The following MAEL variants were observed in gnomAD, a reference collection of about 807,000 sequenced individuals.
The protein encoded by MAEL is protein maelstrom homolog.
MAEL carries 46 observed loss-of-function variants against 62.0 expected under a neutral mutation model. The ratio of observed to expected loss-of-function variants is 0.74; its 90% CI spans 0.59 to 0.95. The LOEUF is 0.95. MAEL is among the 40% of genes least tolerant of loss of function. The pLI is 0.00. For synonymous variants in MAEL, 172 were observed against 175.5 expected (o/e 0.98, Z 0.16); for missense variants, 497 against 526.8 (o/e 0.94, Z 0.55).
chr1:166,991,326 C>A, intron 2 of MAEL, 52 bp from the exon 3 acceptor site: 2 of 1,182,672 alleles, frequency 1.7e-6, no homozygotes, highest in South Asian at 1.2e-5. Context: ...AATGTATGGT[C>A]TAAAAGTGCC....
chr1:167,017,313 T>C (rs1180830280), intron 9 of MAEL, among the ~76,000 whole-genome samples: 2 of 152,150 alleles, frequency 1.3e-5, no homozygotes, highest in Non-Finnish European at 2.9e-5. Context: ...GTACATCATA[T>C]TACTTTTATT....
intron 1 of MAEL, among the ~76,000 whole-genome samples, chr1:166,983,864 T>C (rs1663834881): frequency 6.6e-6 from 1 of 151,830 alleles, no homozygotes; most frequent in South Asian, 2.1e-4. Flanking sequence ...TAGCTGGGCA[T>C]GGTGGCGCAC....
At chr1:167,009,326 C>T (rs1665065392) in intron 8 of MAEL, among the ~76,000 whole-genome samples, 1 of 152,118 alleles carries the variant, frequency 6.6e-6, no homozygotes, top group African/African-American at 2.4e-5. Context: ...CACCATATTT[C>T]CTTGAGTTTC....
intron 8 of MAEL, among the ~76,000 whole-genome samples, chr1:167,012,168 C>T (rs1476582049): frequency 6.6e-6 from 1 of 152,056 alleles, no homozygotes; most frequent in Non-Finnish European, 1.5e-5. Flanking sequence ...TTATTCCAAC[C>T]ACTGCTCTTA....
rs185652012 is a variant in MAEL, at chr1:166,991,567, T to C, written c.325+90T>C. The C allele has an allele frequency of 3.1e-4, 242 of 771,762 alleles. 2 individuals carry two copies. The East Asian group carries it at 6.0e-3, about 19-fold the overall frequency. 47.8% of individuals were successfully genotyped at this position (771,762 alleles called of 1,614,324 possible). On this transcript the variant is annotated intron_variant, in intron 3 of 11. Coordinates refer to ENST00000367872, the MANE Select transcript of MAEL (RefSeq NM_032858.3). ...TAAAAATATTTTCTGTTCATTTTGA[T>C]CCTCCGTTTCAAAGTAAATAACTGC...
rs1420605441 is a variant in MAEL at position 167,021,153 on chromosome 1, A to C, written c.1110A>C (p.Thr370=). 3 of 1,610,600 alleles carry C rather than the reference A, an allele frequency of 1.9e-6. No individual in the cohort carries two copies. Among genetic ancestry groups the C allele is most frequent in the Non-Finnish European group, 2.5e-6 (3 of 1,177,342 alleles). The change falls in exon 11 of 12, where the codon ACA becomes ACC. Residue 370 remains threonine (T), a synonymous_variant. Transcript: ENST00000367872. ...CTAATGAGGAACAAAGATCAAACAC[A>C]CCCATTGGTAAGCAACTTATATTTT... ...NSSNEEQRSN[T]PIGDYPSRAK...
chr1:167,012,782 T>G (rs191746793), intron 8 of MAEL, among the ~76,000 whole-genome samples: 2 of 152,166 alleles, frequency 1.3e-5, no homozygotes, highest in Admixed American at 1.3e-4. Context: ...TGGACAGAGA[T>G]AGAAAAGCCT....
chr1:167,015,181 C>T (rs796851009), intron 8 of MAEL, among the ~76,000 whole-genome samples: 3 of 151,874 alleles, frequency 2.0e-5, no homozygotes, highest in African/African-American at 7.2e-5. Flanking sequence ...AGTACTATGC[C>T]CAGCCAGTTT....
At position 166,991,381 on chromosome 1, in the gene MAEL, C is replaced by A; in HGVS notation, c.229C>A (p.Pro77Thr). 6.2e-7 allele frequency: 1 copy of A among 1,605,970 alleles called. No homozygotes were observed. The highest frequency in any genetic ancestry group is 1.1e-5 in the South Asian group (1 of 90,850). Reference protein sequence around the residue: ...KDPGPSEKQKPVFTPLRRPGM... With the variant: ...KDPGPSEKQKTVFTPLRRPGM... ...CAATCATTCTCTTCCTCTTTAGAAA[C>A]CTGTTTTCACACCACTGAGGAGGCC... Residue 77 changes from proline to threonine, a missense_variant, in exon 3 of 12, where the codon CCT (proline) becomes ACT (threonine). Pro to Thr is a conservative substitution (Grantham distance 38). Coordinates refer to ENST00000367872, the MANE Select transcript of MAEL (RefSeq NM_032858.3).
rs188233013 is a variant in MAEL at position 167,016,290 on chromosome 1, T to G, written c.908+6T>G. On this transcript the variant is annotated splice_donor_region_variant and intron_variant, in intron 9 of 11. Coordinates refer to ENST00000367872, the MANE Select transcript of MAEL (RefSeq NM_032858.3). Reference sequence around the variant, plus strand: ...GCTGTTTGCAAGAAGATTGCGTAAGTTGGGGAAAGGAGTTTCTTCATAATA... The same window carrying G: ...GCTGTTTGCAAGAAGATTGCGTAAGGTGGGGAAAGGAGTTTCTTCATAATA... 4 of 1,613,080 alleles carry G rather than the reference T, an allele frequency of 2.5e-6. No individual in the cohort carries two copies. The African/African-American group carries it at 4.0e-5, about 16-fold the overall frequency.
At chr1:166,997,106 G>A (rs1028064384) in intron 5 of MAEL, among the ~76,000 whole-genome samples, 1 of 152,200 alleles carries the variant, frequency 6.6e-6, no homozygotes. Flanking sequence ...GCTTACAGGC[G>A]TGAGCCACCA....
intron 5 of MAEL, among the ~76,000 whole-genome samples, chr1:167,002,702 T>TA (rs1420824178): frequency 6.6e-6 from 1 of 152,196 alleles, no homozygotes; most frequent in African/African-American, 2.4e-5. Context: ...GATGGACAGG[T>TA]AATCACCAAA....
intron 8 of MAEL, among the ~76,000 whole-genome samples, chr1:167,012,721 C>T (rs1355080102): frequency 6.6e-6 from 1 of 152,076 alleles, no homozygotes; most frequent in Non-Finnish European, 1.5e-5. Flanking sequence ...GACATTAGAA[C>T]CGAAGTGGGA....
intron 5 of MAEL, among the ~76,000 whole-genome samples, chr1:166,995,454 G>T (rs920414703): frequency 1.3e-5 from 2 of 151,940 alleles, no homozygotes; most frequent in African/African-American, 4.8e-5. Context: ...GATCAGGCTG[G>T]TCTCAAAACT....
At position 167,021,936 on chromosome 1, in the gene MAEL, C is replaced by T; in HGVS notation, c.*81C>T. ...TACAGTCATATTAAACAGATCACAT[C>T]AATGACAAATGTCACTACTATAAAA... On this transcript the variant is annotated 3_prime_UTR_variant, in exon 12 of 12. Transcript: ENST00000367872. 1 of 843,824 alleles carries T rather than the reference C, an allele frequency of 1.2e-6. No homozygotes were observed. The highest frequency in any genetic ancestry group is 1.8e-6 in the Non-Finnish European group (1 of 554,782). The allele number at this position is 843,824 out of a possible 1,614,324, so 52.3% of individuals were successfully genotyped here. A position where few individuals can be genotyped will look rare whatever the true frequency, so the allele number is the denominator to read the frequency against.
At chr1:166,991,610 G>C in intron 3 of MAEL, 133 bp downstream of exon 3, 1 of 562,412 alleles carries the variant, frequency 1.8e-6, no homozygotes, top group Admixed American at 3.0e-5. Flanking sequence ...AAATATTGTG[G>C]TACTGACATT....
chr1:166,985,756 A>G (rs1311242737), upstream of MAEL, among the ~76,000 whole-genome samples: 2 of 152,218 alleles, frequency 1.3e-5, no homozygotes, highest in Non-Finnish European at 2.9e-5. Context: ...ATTTACAATG[A>G]CCAGCATCCA....
chr1:166,980,107 C>T (rs1470476525), intron 1 of MAEL, among the ~76,000 whole-genome samples: 1 of 152,176 alleles, frequency 6.6e-6, no homozygotes, highest in Non-Finnish European at 1.5e-5. Context: ...ACCTTGAACT[C>T]CTAGGCTCAA....
In MAEL at chr1:167,021,876, T is replaced by G; in HGVS notation, c.*21T>G. Reference sequence around the variant, plus strand: ...CTTAATGATGGTACTCTTTTCAATTTCTGAAAACAGTAACAGGCCCAACTT... The same window carrying G: ...CTTAATGATGGTACTCTTTTCAATTGCTGAAAACAGTAACAGGCCCAACTT... On this transcript the variant is annotated 3_prime_UTR_variant, in exon 12 of 12. Transcript: ENST00000367872. 1 of 1,543,432 alleles carries G rather than the reference T, an allele frequency of 6.5e-7. No individual in the cohort carries two copies. Among genetic ancestry groups the G allele is most frequent in the Non-Finnish European group, 8.9e-7 (1 of 1,126,810 alleles).
Sources: gnomAD v4.1 joint callset for allele counts (sites outside exome capture counted in the v4.1 genomes callset) on GRCh38, gnomAD v4.1.1 for gene constraint, MANE v1.5 for transcripts, NCBI Gene and HGNC (gene_info 2026-07-23, HGNC 2026-07-21) for gene names.